The following CLASP1 variants were observed in gnomAD, a reference collection of about 807,000 sequenced individuals.
CLASP1 encodes the protein CLIP-associating protein 1.
Under a neutral mutation model 192.3 loss-of-function variants are expected in CLASP1, and 38 were observed. The ratio of observed to expected loss-of-function variants is 0.20; its 90% CI spans 0.15 to 0.26. The LOEUF (loss-of-function observed/expected upper bound fraction) is 0.26, where lower values mean the gene tolerates loss of function less well. CLASP1 is among the 10% of genes least tolerant of loss of function. The pLI, the probability that CLASP1 is intolerant of heterozygous loss-of-function variation, is 1.00. For synonymous variants in CLASP1, 691 were observed against 712.8 expected, an observed-to-expected ratio of 0.97 and a Z score of 0.49; for missense variants, 1,433 against 1,932.5, an observed-to-expected ratio of 0.74 and a Z score of 4.85.
chr2:121,631,052 GGGAGACTGAGGCA>G (rs2069489093), intron 1 of CLASP1, among the ~76,000 whole-genome samples: 3 of 148,956 alleles, frequency 2.0e-5, no homozygotes, highest in African/African-American at 7.4e-5. Flanking sequence ...CCAGCTACTC[GGGAGACTGAGGCA>G]GGAGAATGGC....
At chr2:121,478,661 CCCCCCA>C (rs1559365301) in intron 8 of CLASP1, among the ~76,000 whole-genome samples, 2 of 71,246 alleles carry the variant, frequency 2.8e-5, no homozygotes, top group African/African-American at 9.0e-5. Flanking sequence ...CACACACACA[CCCCCCA>C]CACACACCAC....
intron 34 of CLASP1, among the ~76,000 whole-genome samples, chr2:121,372,739 A>G (rs1481341451): frequency 6.6e-6 from 1 of 152,186 alleles, no homozygotes; most frequent in Non-Finnish European, 1.5e-5. Flanking sequence ...TATAAGTATG[A>G]CTATGCCACT....
At chr2:121,460,151 A>C (rs200377255) in intron 11 of CLASP1, 26 bp from the exon 12 acceptor site, 2 of 1,590,426 alleles carry the variant, frequency 1.3e-6, no homozygotes, top group Non-Finnish European at 1.7e-6. Flanking sequence ...AAATTCAGAA[A>C]AATAGAAAAC....
chr2:121,599,070 G>C (rs1273640676), intron 2 of CLASP1, among the ~76,000 whole-genome samples: 1 of 151,812 alleles, frequency 6.6e-6, no homozygotes, highest in Non-Finnish European at 1.5e-5. Flanking sequence ...TCACCATGTT[G>C]GCCAGGCTGG....
intron 8 of CLASP1, among the ~76,000 whole-genome samples, chr2:121,498,578 T>C (rs1294892382): frequency 6.6e-6 from 1 of 152,154 alleles, no homozygotes; most frequent in Non-Finnish European, 1.5e-5. Context: ...CATCAAAATT[T>C]AACAATTTAT....
chr2:121,529,307 CTGTAGACCAGAGATCAGCTTAT>C (rs1344686588), intron 3 of CLASP1, among the ~76,000 whole-genome samples: 1 of 152,212 alleles, frequency 6.6e-6, no homozygotes, highest in African/African-American at 2.4e-5. Context: ...CCAAGTGCAC[CTGTAGACCAGAGATCAGCTTAT>C]TTTAAGAGTT....
intron 14 of CLASP1, 71 bp downstream of exon 14, chr2:121,457,616 G>T: frequency 1.7e-6 from 2 of 1,179,830 alleles, no homozygotes; most frequent in Non-Finnish European, 2.5e-6. Flanking sequence ...TTTTATCCAT[G>T]GAAGGAGATT....
chr2:121,373,142 A>AT (rs1343458662), intron 34 of CLASP1, among the ~76,000 whole-genome samples: 1 of 152,138 alleles, frequency 6.6e-6, no homozygotes, highest in Non-Finnish European at 1.5e-5. Flanking sequence ...CGGGGGTGGA[A>AT]TTCCCCCTTG....
At chr2:121,423,675 T>C (rs938068013) in intron 22 of CLASP1, among the ~76,000 whole-genome samples, 1 of 152,162 alleles carries the variant, frequency 6.6e-6, no homozygotes, top group Non-Finnish European at 1.5e-5. Context: ...GACATAAAAT[T>C]CAGATATTCC....
intron 38 of CLASP1, among the ~76,000 whole-genome samples, chr2:121,348,134 G>A (rs564210399): frequency 6.1e-4 from 93 of 152,182 alleles, no homozygotes; most frequent in Non-Finnish European, 1.1e-3. Flanking sequence ...GTAAGTATTT[G>A]TGTGCTGCAT....
At chr2:121,448,225 T>TA in intron 18 of CLASP1, 51 bp downstream of exon 18, 33 of 1,533,880 alleles carry the variant, frequency 2.2e-5, no homozygotes, top group Non-Finnish European at 2.9e-5. Flanking sequence ...CAGCTGCACG[T>TA]ACAGCCCACC....
At chr2:121,541,722 C>G (rs1233753834) in intron 2 of CLASP1, among the ~76,000 whole-genome samples, 1 of 152,166 alleles carries the variant, frequency 6.6e-6, no homozygotes, top group Non-Finnish European at 1.5e-5. Flanking sequence ...ACATCCAGCT[C>G]TCCTCCCATG....
chr2:121,392,316 A>G (rs540584780), intron 30 of CLASP1, among the ~76,000 whole-genome samples: 1 of 152,264 alleles, frequency 6.6e-6, no homozygotes, highest in Non-Finnish European at 1.5e-5. Context: ...AATCTTAGAA[A>G]AAATTCTGGT....
chr2:121,534,148 G>T (rs2094974297), intron 2 of CLASP1, among the ~76,000 whole-genome samples: 1 of 152,172 alleles, frequency 6.6e-6, no homozygotes, highest in South Asian at 2.1e-4. Flanking sequence ...ACTTTGCCCT[G>T]GGGCCATTTA....
chr2:121,367,820 A>G (rs1026229769), exon 35 of CLASP1: 4 of 1,613,296 alleles, frequency 2.5e-6, no homozygotes, highest in South Asian at 1.1e-5. Context: ...CAGCGCCCCC[A>G]TCGCGGGACA....
chr2:121,640,562 A>C (rs1412300834), intron 1 of CLASP1, among the ~76,000 whole-genome samples: 2 of 152,184 alleles, frequency 1.3e-5, no homozygotes, highest in Non-Finnish European at 2.9e-5. Flanking sequence ...CCTAGTGGGA[A>C]GTCTGCATCT....
chr2:121,589,223 G>A (rs1174453278), intron 2 of CLASP1, among the ~76,000 whole-genome samples: 9 of 152,146 alleles, frequency 5.9e-5, no homozygotes, highest in Non-Finnish European at 1.3e-4. Flanking sequence ...AAAGATTACT[G>A]ACCATCATTT....
intron 2 of CLASP1, among the ~76,000 whole-genome samples, chr2:121,576,948 CTAAT>C (rs960947510): frequency 2.0e-5 from 3 of 152,126 alleles, no homozygotes; most frequent in East Asian, 3.8e-4. Context: ...TGAACACAAA[CTAAT>C]TAGTGGTGAC....
intron 2 of CLASP1, chr2:121,530,864 A>AT (rs762026336): frequency 5.9e-5 from 40 of 678,228 alleles, no homozygotes; most frequent in Non-Finnish European, 9.5e-5. Flanking sequence ...CTTGCAGCCC[A>AT]GGGACTTTCT....
Sources: allele counts gnomAD v4.1 joint callset (sites outside exome capture counted in the v4.1 genomes callset), GRCh38; gene constraint gnomAD v4.1.1; transcripts MANE v1.5; gene names NCBI Gene and HGNC (gene_info 2026-07-23, HGNC 2026-07-21).